PPHLN1: variants seen among roughly 807,000 people sequenced by gnomAD.
PPHLN1 encodes periphilin 1, also known as periphilin-1.
Under a neutral mutation model 51.3 loss-of-function variants are expected in PPHLN1, and 29 were observed. The observed-to-expected ratio is 0.57, with a 90% confidence interval of 0.42 to 0.77. The LOEUF (loss-of-function observed/expected upper bound fraction) is 0.77. Ranked by LOEUF, PPHLN1 falls within the 30% of genes least tolerant of loss-of-function variation. PPHLN1 has a pLI of 0.00. For missense variants in PPHLN1, 436 were observed against 438.4 expected, an observed-to-expected ratio of 0.99 and a Z score of 0.05; for synonymous variants, 147 against 147.8, an observed-to-expected ratio of 0.99 and a Z score of 0.04.
At chr12:42,356,091 A>C (rs893622879) in intron 4 of PPHLN1, among the ~76,000 whole-genome samples, 1 of 152,236 alleles carries the variant, frequency 6.6e-6, no homozygotes, top group Non-Finnish European at 1.5e-5. Flanking sequence ...TTTTTAAATG[A>C]CATCACAGTG....
downstream of PPHLN1, chr12:42,442,762 C>T (rs367843121): frequency 9.3e-6 from 15 of 1,612,126 alleles, no homozygotes; most frequent in African/African-American, 1.3e-4. Flanking sequence ...GGTGCCCGCT[C>T]GGGATTTCCA....
At chr12:42,414,165 G>T (rs1036058528) in intron 9 of PPHLN1, among the ~76,000 whole-genome samples, 2 of 152,002 alleles carry the variant, frequency 1.3e-5, no homozygotes, top group Admixed American at 1.3e-4. Flanking sequence ...CTCCCGAGTA[G>T]CTGGGATTAC....
intron 2 of PPHLN1, among the ~76,000 whole-genome samples, chr12:42,347,501 C>T (rs1257395650): frequency 2.0e-5 from 3 of 152,038 alleles, no homozygotes; most frequent in East Asian, 1.9e-4. Flanking sequence ...TTGAAAGGGG[C>T]GGGCGCAGTG....
intron 4 of PPHLN1, among the ~76,000 whole-genome samples, chr12:42,371,165 C>T: frequency 8.1e-6 from 1 of 123,816 alleles, no homozygotes; most frequent in African/African-American, 3.1e-5. Flanking sequence ...CTGTCACATA[C>T]ACTGGAGTGC....
At chr12:42,399,857 G>A (rs994573002) in intron 9 of PPHLN1, 17 of 152,178 alleles carry the variant, frequency 1.1e-4, no homozygotes, top group African/African-American at 3.9e-4. Context: ...AGTATCAGAT[G>A]CTTAGAGGAA....
chr12:42,379,121 CCT>C (rs1208152412), intron 5 of PPHLN1, among the ~76,000 whole-genome samples: 1 of 150,594 alleles, frequency 6.6e-6, no homozygotes, highest in Non-Finnish European at 1.5e-5. Context: ...TCTTTTTTTC[CCT>C]CTTTGAAATA....
chr12:42,354,147 T>C (rs1485097911), intron 3 of PPHLN1, among the ~76,000 whole-genome samples: 1 of 152,190 alleles, frequency 6.6e-6, no homozygotes, highest in Non-Finnish European at 1.5e-5. Context: ...AAGAGGAAGA[T>C]GAGGATATTT....
At chr12:42,364,160 G>A (rs979563212) in intron 4 of PPHLN1, among the ~76,000 whole-genome samples, 2 of 152,186 alleles carry the variant, frequency 1.3e-5, no homozygotes, top group Non-Finnish European at 2.9e-5. Context: ...GGAAGCGGAG[G>A]TTGCAGTGAG....
At chr12:42,417,904 A>G (rs1360671457) in intron 9 of PPHLN1, among the ~76,000 whole-genome samples, 4 of 131,774 alleles carry the variant, frequency 3.0e-5, no homozygotes, top group Non-Finnish European at 6.6e-5. Flanking sequence ...GGGAAAAAAG[A>G]AAAAAAAAAG....
downstream of PPHLN1, chr12:42,445,740 C>T (rs2083280511): frequency 2.4e-6 from 1 of 424,112 alleles, no homozygotes; most frequent in African/African-American, 2.0e-5. Flanking sequence ...GCTCAGAAAA[C>T]AATGGAGAAT....
At chr12:42,367,554 A>G (rs1263644831) in intron 4 of PPHLN1, among the ~76,000 whole-genome samples, 3 of 152,096 alleles carry the variant, frequency 2.0e-5, no homozygotes, top group African/African-American at 4.8e-5. Context: ...TCATTTGCCT[A>G]TTTAATAGAG....
chr12:42,425,749 A>C (rs1161666904), intron 9 of PPHLN1, among the ~76,000 whole-genome samples: 2 of 152,238 alleles, frequency 1.3e-5, no homozygotes, highest in Admixed American at 1.3e-4. Context: ...TGGGTAACAA[A>C]AAACACAGGA....
intron 6 of PPHLN1, 166 bp from the exon 7 acceptor site, chr12:42,387,290 C>A: frequency 1.5e-6 from 1 of 659,870 alleles, no homozygotes; most frequent in Non-Finnish European, 2.3e-6. Context: ...TGGTGCTTAG[C>A]CTCTGAGAGG....
rs532009829 is a variant in PPHLN1, at chr12:42,330,451, T to A, written c.-21+4222T>A. On this transcript the variant is annotated intron_variant, in intron 1 of 9. Coordinates refer to ENST00000358314, the MANE Select transcript of PPHLN1 (RefSeq NM_201439.2). ...GGAGAAACCTTGGACAATACCCGGC[T>A]TTCCTGGGTAGAGGTCCCTGCAGCT... Among the ~76,000 whole-genome samples the A allele has an allele frequency of 3.9e-5, 6 of 152,350 alleles. No homozygotes were observed. The East Asian group carries it at 1.2e-3, about 29-fold the overall frequency.
intron 2 of PPHLN1, chr12:42,351,592 AAG>A (rs2073366264): frequency 1.7e-5 from 3 of 175,236 alleles, no homozygotes; most frequent in East Asian, 1.4e-4. Flanking sequence ...ATTCTGTCTT[AAG>A]TTTATTTTTT....
rs192336408 is a variant in PPHLN1 at position 42,334,446 on chromosome 12, A to G, written c.-20-1437A>G. On this transcript the variant is annotated intron_variant, in intron 1 of 9. Coordinates refer to ENST00000358314, the MANE Select transcript of PPHLN1 (RefSeq NM_201439.2). ...AGAAAATTGGTTGCTTTGCTATAAT[A>G]ATATCAAGAAAAAAAGTTGCACCCT... is the stretch of plus-strand genomic sequence containing the variant. Among the ~76,000 whole-genome samples the G allele has an allele frequency of 2.6e-3, 399 of 152,280 alleles. 2 individuals are homozygous for G. The highest frequency in any genetic ancestry group is 9.2e-3 in the African/African-American group (381 of 41,546).
chr12:42,417,320 G>C (rs2080477268), intron 9 of PPHLN1, among the ~76,000 whole-genome samples: 1 of 152,144 alleles, frequency 6.6e-6, no homozygotes, highest in Non-Finnish European at 1.5e-5. Flanking sequence ...ACTTTTCTGA[G>C]ATAGGAGGAA....
In PPHLN1 at chr12:42,425,228, C is replaced by T. The variant is rs373783611; in HGVS notation, c.910-16087C>T. Among the ~76,000 whole-genome samples, 27 of 150,666 alleles carry T rather than the reference C, an allele frequency of 1.8e-4. 1 individual carries two copies. In the East Asian group the frequency reaches 2.9e-3, roughly 16 times the overall value. ...CCAAGTAGCTGGGATTACAGGTGTG[C>T]ACCACCATGCCTGGCTAATTTTTTT... On this transcript the variant is annotated intron_variant, in intron 9 of 9. Coordinates refer to ENST00000358314, the MANE Select transcript of PPHLN1 (RefSeq NM_201439.2).
intron 2 of PPHLN1, among the ~76,000 whole-genome samples, chr12:42,341,665 C>G (rs1408007999): frequency 6.6e-6 from 1 of 152,052 alleles, no homozygotes; most frequent in East Asian, 1.9e-4. Flanking sequence ...CTCTATCGCC[C>G]AGGCTGGAGT....
Sources: allele counts gnomAD v4.1 joint callset (sites outside exome capture counted in the v4.1 genomes callset), GRCh38; gene constraint gnomAD v4.1.1; transcripts MANE v1.5; gene names NCBI Gene and HGNC (gene_info 2026-07-23, HGNC 2026-07-21).